Variants in GMCL1 observed in about 807,000 individuals in gnomAD.
The protein encoded by GMCL1 is germ cell-less 1, spermatogenesis associated.
A neutral mutation model predicts 75.5 loss-of-function variants in GMCL1; 54 were observed. The ratio of observed to expected loss-of-function variants is 0.71; its 90% CI spans 0.57 to 0.90. The LOEUF is 0.90. Ranked by LOEUF, GMCL1 falls within the 40% of genes least tolerant of loss-of-function variation. The pLI, the probability that GMCL1 is intolerant of heterozygous loss-of-function variation, is 0.00. For synonymous variants in GMCL1, 210 were observed against 209.6 expected, an observed-to-expected ratio of 1.00 and a Z score of -0.02; for missense variants, 537 against 622.7, an observed-to-expected ratio of 0.86 and a Z score of 1.47.
Position 69,859,972 on chromosome 2 carries a change from GATAA to G in GMCL1, c.1073-1302_1073-1299del, listed in dbSNP as rs1675595159. Among the ~76,000 whole-genome samples the G allele has an allele frequency of 2.0e-5, 3 of 152,084 alleles. No individual in the cohort carries two copies. In the South Asian group the frequency reaches 6.2e-4, roughly 32 times the overall value. On this transcript the variant is annotated intron_variant, in intron 9 of 13. Coordinates refer to ENST00000282570, the MANE Select transcript of GMCL1 (RefSeq NM_178439.5). ...AGTTGGGAATAAACAAGAGCAGAAA[GATAA>G]ATAGTGCTGAGCCAATTCTATTTGT...
In GMCL1 at chr2:69,881,054, G is replaced by A. The variant is rs929679554; in HGVS notation, c.*2050G>A. On this transcript the variant is annotated 3_prime_UTR_variant, in exon 14 of 14. Coordinates refer to ENST00000282570, the MANE Select transcript of GMCL1 (RefSeq NM_178439.5). ...TGCAGATCTTGGAAGTAAAGATAATGTTTTGATCATATTAATGAATAAAGT... is the reference window on the plus strand; with the variant it reads ...TGCAGATCTTGGAAGTAAAGATAATATTTTGATCATATTAATGAATAAAGT... 5.3e-5 allele frequency: 8 copies of A among 152,126 alleles called. No homozygotes were observed. The highest frequency in any genetic ancestry group is 1.9e-4 in the African/African-American group (8 of 41,406). The allele number at this position is 152,126 out of a possible 1,614,324, so 9.4% of individuals were successfully genotyped here. A position where few individuals can be genotyped will look rare whatever the true frequency, so the allele number is the denominator to read the frequency against.
In GMCL1 at chr2:69,881,381, A is replaced by T. The variant is rs1676268460; in HGVS notation, c.*2377A>T. ...TAGTGTAAGATAAAGTATTGTATAA[A>T]CCATGGTTTGTGAAAGCTTTGTGTT... On this transcript the variant is annotated 3_prime_UTR_variant, in exon 14 of 14. Coordinates refer to ENST00000282570, the MANE Select transcript of GMCL1 (RefSeq NM_178439.5). The T allele has an allele frequency of 6.6e-6, 1 of 152,182 alleles. No homozygotes were observed. The highest frequency in any genetic ancestry group is 2.1e-4 in the South Asian group (1 of 4,820). The allele number at this position is 152,182 out of a possible 1,614,324, so 9.4% of individuals were successfully genotyped here.
At chr2:69,857,147 C>A (rs753048385) in intron 9 of GMCL1, among the ~76,000 whole-genome samples, 1 of 152,146 alleles carries the variant, frequency 6.6e-6, no homozygotes, top group Non-Finnish European at 1.5e-5. Context: ...TAACTTCCAA[C>A]CCATTTTAAG....
chr2:69,835,339 A>T (rs1027062413), intron 1 of GMCL1, among the ~76,000 whole-genome samples: 1 of 152,100 alleles, frequency 6.6e-6, no homozygotes, highest in Non-Finnish European at 1.5e-5. Flanking sequence ...GGGTAAATAT[A>T]ATAATCTCAG....
chr2:69,868,214 A>G (rs1675876502), intron 11 of GMCL1, among the ~76,000 whole-genome samples: 1 of 151,164 alleles, frequency 6.6e-6, no homozygotes, highest in Non-Finnish European at 1.5e-5. Flanking sequence ...AGCCTGGGCA[A>G]TATAACGAGA....
At chr2:69,844,853 C>A in intron 6 of GMCL1, 1 of 377,570 alleles carries the variant, frequency 2.6e-6, no homozygotes, top group South Asian at 2.0e-5. Context: ...ACAAGGTCTT[C>A]TGAACCAGGT....
At chr2:69,871,984 A>T (rs565091031) in intron 13 of GMCL1, 152 bp downstream of exon 13, 2 of 567,606 alleles carry the variant, frequency 3.5e-6, no homozygotes, top group Admixed American at 3.6e-5. Context: ...AAAGTACCAC[A>T]TTCACTTATG....
intron 11 of GMCL1, among the ~76,000 whole-genome samples, chr2:69,865,323 C>G (rs960520022): frequency 5.9e-5 from 9 of 152,204 alleles, no homozygotes. Context: ...CAAAGACATT[C>G]AAATCCATTG....
At chr2:69,868,900 G>A (rs943000657) in intron 11 of GMCL1, among the ~76,000 whole-genome samples, 13 of 150,394 alleles carry the variant, frequency 8.6e-5, no homozygotes, top group African/African-American at 2.9e-4. Flanking sequence ...TGGATCACAA[G>A]GTCAGCAGTT....
intron 9 of GMCL1, among the ~76,000 whole-genome samples, chr2:69,856,570 C>T (rs1675472328): frequency 6.7e-6 from 1 of 149,536 alleles, no homozygotes; most frequent in African/African-American, 2.5e-5. Flanking sequence ...TATCTTGTTA[C>T]TATTCCTCCC....
intron 4 of GMCL1, chr2:69,842,915 C>T (rs111370854): frequency 1.0e-5 from 3 of 291,870 alleles, no homozygotes; most frequent in Non-Finnish European, 1.2e-5. Context: ...TACTCCCCCC[C>T]ACCTTCCATT....
At chr2:69,830,392 A>T (rs906304477) in intron 1 of GMCL1, among the ~76,000 whole-genome samples, 2 of 152,228 alleles carry the variant, frequency 1.3e-5, no homozygotes, top group Non-Finnish European at 2.9e-5. Flanking sequence ...TACAGCCCCA[A>T]GATGAGGATG....
rs755590543 is a variant in GMCL1, at chr2:69,854,902, T to G, written c.1014T>G (p.Tyr338Ter). Residue 338 changes from tyrosine to a stop codon, truncating the protein, a stop_gained, in exon 9 of 14, where the codon TAT (tyrosine) becomes TAG (stop). Transcript: ENST00000282570. LOFTEE classifies it high-confidence loss of function. ...VSVFRHLRLQ[Y>*]IISDLASARI... is the part of the protein sequence containing the mutation. ...TATTCAGACATTTAAGGTTACAATA[T>G]ATTATCAGTGATCTGGCTTCTGCAA... 1 of 1,610,876 alleles carries G rather than the reference T, an allele frequency of 6.2e-7. No homozygotes were observed.
intron 11 of GMCL1, among the ~76,000 whole-genome samples, chr2:69,866,536 A>G (rs1675823194): frequency 6.6e-6 from 1 of 152,156 alleles, no homozygotes; most frequent in Non-Finnish European, 1.5e-5. Context: ...TGGCACAATC[A>G]TCGCTCACTG....
At chr2:69,864,331 A>T (rs559854694) in intron 10 of GMCL1, among the ~76,000 whole-genome samples, 1 of 151,996 alleles carries the variant, frequency 6.6e-6, no homozygotes, top group Non-Finnish European at 1.5e-5. Context: ...GATGCTAATT[A>T]TAATACCATA....
At chr2:69,859,743 A>C (rs867367557) in intron 9 of GMCL1, among the ~76,000 whole-genome samples, 1 of 74,890 alleles carries the variant, frequency 1.3e-5, no homozygotes, top group East Asian at 4.7e-4. Context: ...CTCTCTCTCT[A>C]AAAAAAAAAA....
In GMCL1 at chr2:69,859,809, C is replaced by T. The variant is rs1408499412; in HGVS notation, c.1073-1469C>T. Among the ~76,000 whole-genome samples, 3 of 148,598 alleles carry T rather than the reference C, an allele frequency of 2.0e-5. No homozygotes were observed. In the East Asian group the frequency reaches 5.9e-4, roughly 29 times the overall value. On this transcript the variant is annotated intron_variant, in intron 9 of 13. Transcript: ENST00000282570. ...GACACCAGTAAATCATTGGAAGTCACCGGATTACTTTTATTAAGTAGAGAC... is the reference window on the plus strand; with the variant it reads ...GACACCAGTAAATCATTGGAAGTCATCGGATTACTTTTATTAAGTAGAGAC...
At chr2:69,863,057 GT>G (rs1235366191) in intron 10 of GMCL1, among the ~76,000 whole-genome samples, 1 of 152,086 alleles carries the variant, frequency 6.6e-6, no homozygotes, top group African/African-American at 2.4e-5. Context: ...TAAGTCTTTA[GT>G]TTTTTGCCTT....
chr2:69,833,446 C>T (rs1355924933), intron 1 of GMCL1, among the ~76,000 whole-genome samples: 1 of 152,058 alleles, frequency 6.6e-6, no homozygotes, highest in African/African-American at 2.4e-5. Flanking sequence ...GAAACCCCGC[C>T]TCTACCAAAA....
Sources: allele counts gnomAD v4.1 joint callset (sites outside exome capture counted in the v4.1 genomes callset), GRCh38; gene constraint gnomAD v4.1.1; transcripts MANE v1.5; gene names NCBI Gene and HGNC (gene_info 2026-07-23, HGNC 2026-07-21).